Variants in SLC22A25 observed in about 807,000 individuals in gnomAD.
SLC22A25 encodes MGI:2442751, MGI:2385316, MGI:3042283, MGI:3645714, MGI:3605624, MGI:2442750.
Under a neutral mutation model 45.9 loss-of-function variants are expected in SLC22A25, and 44 were observed. The observed-to-expected ratio is 0.96, with a 90% CI of 0.75 to 1.23. SLC22A25 has a LOEUF of 1.23. Among genes scored for constraint, SLC22A25 ranks in the 50% most tolerant of loss-of-function variants. The pLI, the probability that SLC22A25 is intolerant of heterozygous loss-of-function variation, is 0.00. For missense variants in SLC22A25, 800 were observed against 666.4 expected (o/e 1.20, Z -2.21); for synonymous variants, 283 against 238.6 (o/e 1.19, Z -1.72).
At chr11:63,164,917 A>G (rs17157909) in intron 10 of SLC22A25, among the ~76,000 whole-genome samples, 1,938 of 152,156 alleles carry the variant, frequency 0.013, 22 homozygotes, top group African/African-American at 0.032. Context: ...TTAGAGCTAA[A>G]GAGTTTTTTT....
chr11:63,171,102 C>A (rs577722015), intron 9 of SLC22A25, among the ~76,000 whole-genome samples: 6 of 152,134 alleles, frequency 3.9e-5, no homozygotes, highest in South Asian at 4.1e-4. Context: ...GACCTTCAAT[C>A]AAATTCAACA....
At chr11:63,202,455 AG>A (rs1464438428) in intron 7 of SLC22A25, among the ~76,000 whole-genome samples, 2 of 152,102 alleles carry the variant, frequency 1.3e-5, no homozygotes, top group Non-Finnish European at 2.9e-5. Context: ...GGGACACTAG[AG>A]CTTGGTGAGG....
chr11:63,234,371 G>A (rs148330118), intron 3 of SLC22A25, among the ~76,000 whole-genome samples: 5,132 of 152,262 alleles, frequency 0.034, 118 homozygotes, highest in Non-Finnish European at 0.056. Flanking sequence ...TTGTTGAATT[G>A]ATCCCTTTAC....
At chr11:63,222,988 G>C (rs1005820472) in intron 5 of SLC22A25, among the ~76,000 whole-genome samples, 5 of 151,972 alleles carry the variant, frequency 3.3e-5, no homozygotes, top group Non-Finnish European at 7.4e-5. Context: ...ACTTGGTCAT[G>C]ATGAAAAATC....
chr11:63,199,566 C>T lies in SLC22A25; in HGVS notation c.831-15749G>A, dbSNP rs1388599780. ...CCTCCCCCTCCCGCCTCCCTCCTCA[C>T]TTAGCTGCCCTCACTTGAACCAAAG... On this transcript the variant is annotated intron_variant, in intron 7 of 11. Transcript: ENST00000306494. Among the ~76,000 whole-genome samples the T allele has an allele frequency of 2.0e-5, 3 of 152,098 alleles. 1 individual carries two copies. The highest frequency in any genetic ancestry group is 4.4e-5 in the Non-Finnish European group (3 of 68,012).
At chr11:63,191,919 A>C (rs1443548542) in intron 7 of SLC22A25, among the ~76,000 whole-genome samples, 1 of 152,184 alleles carries the variant, frequency 6.6e-6, no homozygotes, top group African/African-American at 2.4e-5. Context: ...CTTCCATAAG[A>C]AGTTTCCCAA....
chr11:63,196,078 C>T (rs2089016807), intron 7 of SLC22A25, among the ~76,000 whole-genome samples: 1 of 152,094 alleles, frequency 6.6e-6, no homozygotes, highest in Non-Finnish European at 1.5e-5. Context: ...CAGAATAGAC[C>T]AATAAGAGGC....
At chr11:63,198,833 A>G (rs2089145708) in intron 7 of SLC22A25, among the ~76,000 whole-genome samples, 1 of 152,216 alleles carries the variant, frequency 6.6e-6, no homozygotes, top group Admixed American at 6.5e-5. Context: ...TTATGGCAGA[A>G]ATCAAGAAAT....
intron 1 of SLC22A25, among the ~76,000 whole-genome samples, chr11:63,242,019 T>C (rs2090256872): frequency 6.6e-6 from 1 of 152,238 alleles, no homozygotes; most frequent in Non-Finnish European, 1.5e-5. Flanking sequence ...ATAGTCCATC[T>C]ATATGAATGG....
intron 7 of SLC22A25, among the ~76,000 whole-genome samples, chr11:63,186,064 T>A (rs1278135534): frequency 1.3e-5 from 2 of 151,516 alleles, no homozygotes; most frequent in Admixed American, 6.6e-5. Flanking sequence ...TACCCAGTAA[T>A]GGGATGGCTG....
At chr11:63,201,031 T>C (rs1000840057) in intron 7 of SLC22A25, among the ~76,000 whole-genome samples, 4 of 152,286 alleles carry the variant, frequency 2.6e-5, no homozygotes, top group South Asian at 4.1e-4. Flanking sequence ...AAAAATTGCA[T>C]GCTCATGGAT....
intron 2 of SLC22A25, 111 bp downstream of exon 2, chr11:63,238,602 TGAAA>T (rs1425206859): frequency 6.6e-6 from 1 of 152,552 alleles, no homozygotes; most frequent in African/African-American, 2.4e-5. Flanking sequence ...TAATATTTGC[TGAAA>T]GAATGAAGAA....
intron 7 of SLC22A25, chr11:63,208,086 T>C (rs185071213): frequency 1.3e-4 from 20 of 152,376 alleles, no homozygotes; most frequent in African/African-American, 3.6e-4. Context: ...TCATCCAGGA[T>C]TGGAGATGAC....
Position 63,176,193 on chromosome 11 carries a change from T to C in SLC22A25, c.1070+4467A>G, listed in dbSNP as rs1054614689. On this transcript the variant is annotated intron_variant, in intron 9 of 11. Transcript: ENST00000306494. ...GTTCTTCTTTCTCAAGGTAGTTTTATCTATTCTAAAATTTGTATGGTTCCC... is the reference window on the plus strand; with the variant it reads ...GTTCTTCTTTCTCAAGGTAGTTTTACCTATTCTAAAATTTGTATGGTTCCC... Among the ~76,000 whole-genome samples the C allele has an allele frequency of 3.9e-5, 6 of 152,190 alleles. No individual in the cohort carries two copies. The East Asian group carries it at 1.2e-3, about 29-fold the overall frequency.
chr11:63,197,267 T>C (rs2089073991), intron 7 of SLC22A25, among the ~76,000 whole-genome samples: 1 of 152,094 alleles, frequency 6.6e-6, no homozygotes, highest in African/African-American at 2.4e-5. Flanking sequence ...TTAAAGCTCA[T>C]ATGGAACCAA....
At chr11:63,228,813 A>G (rs1218350164) in intron 4 of SLC22A25, among the ~76,000 whole-genome samples, 1 of 152,198 alleles carries the variant, frequency 6.6e-6, no homozygotes, top group African/African-American at 2.4e-5. Context: ...TTGGCCACAC[A>G]GTGAAATCAT....
chr11:63,233,604 T>G (rs1005586639), intron 3 of SLC22A25, among the ~76,000 whole-genome samples: 4 of 152,192 alleles, frequency 2.6e-5, no homozygotes, highest in Admixed American at 1.3e-4. Flanking sequence ...ATTCATTGAT[T>G]TTTTGAAGGG....
At chr11:63,240,379 C>T (rs2090228589) in intron 1 of SLC22A25, among the ~76,000 whole-genome samples, 1 of 152,056 alleles carries the variant, frequency 6.6e-6, no homozygotes, top group South Asian at 2.1e-4. Flanking sequence ...TTAATTCCAA[C>T]AGATTATAAT....
At chr11:63,225,731 C>T (rs1441056828) in intron 5 of SLC22A25, among the ~76,000 whole-genome samples, 1 of 152,148 alleles carries the variant, frequency 6.6e-6, no homozygotes, top group Non-Finnish European at 1.5e-5. Flanking sequence ...ACCCTTGTCT[C>T]TCTCTCTGCC....
Sources: gnomAD v4.1 joint callset for allele counts (sites outside exome capture counted in the v4.1 genomes callset) on GRCh38, gnomAD v4.1.1 for gene constraint, MANE v1.5 for transcripts, NCBI Gene and HGNC (gene_info 2026-07-23, HGNC 2026-07-21) for gene names.